The following ATM variants were observed in gnomAD, a reference collection of about 807,000 sequenced individuals.
The protein encoded by ATM is ATM serine/threonine kinase.
A neutral mutation model predicts 387.0 loss-of-function variants in ATM; 308 were observed. The ratio of observed to expected loss-of-function variants is 0.80; its 90% CI spans 0.73 to 0.87. The LOEUF (loss-of-function observed/expected upper bound fraction) is 0.87, where lower values mean the gene tolerates loss of function less well. Ranked by LOEUF, ATM falls within the 40% of genes least tolerant of loss-of-function variation. The probability of loss-of-function intolerance (pLI) is 0.00; values close to 1 mark genes in which losing one functional copy is unlikely to be tolerated. For missense variants in ATM, 3,312 were observed against 3,560.9 expected, an observed-to-expected ratio of 0.93 and a Z score of 1.78; for synonymous variants, 1,156 against 1,187.3, an observed-to-expected ratio of 0.97 and a Z score of 0.54.
rs2091283237 is a variant in ATM, at chr11:108,365,765, G to A, written c.*257G>A. 2 of 490,564 alleles carry A rather than the reference G, an allele frequency of 4.1e-6. No individual in the cohort carries two copies. The highest frequency in any genetic ancestry group is 2.2e-5 in the South Asian group (1 of 45,820). 30.4% of individuals were successfully genotyped at this position (490,564 alleles called of 1,614,324 possible). On this transcript the variant is annotated 3_prime_UTR_variant, in exon 63 of 63. Transcript: ENST00000675843. ...GCAGCGGCTCACGCCTGTAATCCCA[G>A]CACTTTGGGAGGCCGAGGTGAGCGG...
rs767070325 is a variant in ATM, at chr11:108,304,812, G to A, written c.5634G>A (p.Ser1878=). The A allele has an allele frequency of 1.9e-5, 30 of 1,612,528 alleles. No individual in the cohort carries two copies. The Admixed American group carries it at 2.5e-4, about 13-fold the overall frequency. Residue 1878 remains serine, a synonymous_variant, in exon 37 of 63, where the codon TCG becomes TCA. Transcript: ENST00000675843. Reference sequence around the variant, plus strand: ...TCACCAGCTGTCTTCGACACTTCTCGCAAACGAGCCGATCCACAACCCCTG... The same window carrying A: ...TCACCAGCTGTCTTCGACACTTCTCACAAACGAGCCGATCCACAACCCCTG... ...GFFTSCLRHF[S]QTSRSTTPAN...
intron 57 of ATM, among the ~76,000 whole-genome samples, chr11:108,345,415 G>T (rs2088206828): frequency 6.6e-6 from 1 of 152,178 alleles, no homozygotes; most frequent in Non-Finnish European, 1.5e-5. Context: ...CCAATGCTGT[G>T]ATGCCACCTG....
At chr11:108,241,597 G>A (rs1406920200) in intron 5 of ATM, among the ~76,000 whole-genome samples, 1 of 151,908 alleles carries the variant, frequency 6.6e-6, no homozygotes, top group African/African-American at 2.4e-5. Flanking sequence ...ATTTGTCATT[G>A]AATAGAATGT....
chr11:108,279,406 G>A (rs2082106911), intron 22 of ATM, 85 bp from the exon 23 acceptor site: 1 of 957,046 alleles, frequency 1.0e-6, no homozygotes, highest in Non-Finnish European at 1.6e-6. Context: ...ATTTATTTTT[G>A]TTCTGGAATA....
At position 108,333,866 on chromosome 11, in the gene ATM, C is replaced by T. The variant is rs1294380732; in HGVS notation, c.7928-20C>T. 6 of 1,565,482 alleles carry T rather than the reference C, an allele frequency of 3.8e-6. No individual in the cohort carries two copies. Among genetic ancestry groups the T allele is most frequent in the Non-Finnish European group, 4.4e-6 (5 of 1,135,966 alleles). ...CTGTTCCTCAGTTTGTCACTAAAAT[C>T]TCTTCATTTTTAAATACAGAAGGCA... On this transcript the variant is annotated intron_variant, in intron 53 of 62. Coordinates refer to ENST00000675843, the MANE Select transcript of ATM (RefSeq NM_000051.4).
rs988337502 is a variant in ATM at position 108,368,835 on chromosome 11, T to G, written c.*3327T>G. 7 of 202,894 alleles carry G rather than the reference T, an allele frequency of 3.5e-5. No homozygotes were observed. Among genetic ancestry groups the G allele is most frequent in the African/African-American group, 1.6e-4 (7 of 43,700 alleles). 12.6% of individuals were successfully genotyped at this position (202,894 alleles called of 1,614,324 possible). A position where few individuals can be genotyped will look rare whatever the true frequency, so the allele number is the denominator to read the frequency against. ...TAGTATATGCCTAAAATGTATGCAC[T>G]TAGGAATGCTAAAAATTTAAATATG... On this transcript the variant is annotated 3_prime_UTR_variant, in exon 63 of 63. Transcript: ENST00000675843.
At chr11:108,291,334 T>C (rs2135785175) in intron 29 of ATM, among the ~76,000 whole-genome samples, 1 of 152,380 alleles carries the variant, frequency 6.6e-6, no homozygotes, top group South Asian at 2.1e-4. Flanking sequence ...TTCTATTTTT[T>C]AAGGTCTTTT....
Position 108,229,221 on chromosome 11 carries a change from A to G in ATM, c.229A>G (p.Ile77Val), listed in dbSNP as rs1064796032. Reference protein sequence around the residue: ...YIQKETECLRIAKPNVSASTQ... With the variant: ...YIQKETECLRVAKPNVSASTQ... ...TCAGAAAGAAACAGAATGTCTGAGA[A>G]TAGCAAAACCAAATGTATCAGCCTC... The change falls in exon 4 of 63, where the codon ATA becomes GTA. Residue 77 changes from isoleucine to valine, a missense_variant. By Grantham distance (29) the Ile-to-Val change is conservative. Transcript: ENST00000675843. 4 of 1,613,470 alleles carry G rather than the reference A, an allele frequency of 2.5e-6. No homozygotes were observed. The African/African-American group carries it at 4.0e-5, about 16-fold the overall frequency.
At chr11:108,279,390 A>G in intron 22 of ATM, 101 bp from the exon 23 acceptor site, 1 of 842,912 alleles carries the variant, frequency 1.2e-6, no homozygotes, top group Non-Finnish European at 2.0e-6. Flanking sequence ...TATGTCTCAC[A>G]GAGTGATTTA....
intron 61 of ATM, among the ~76,000 whole-genome samples, chr11:108,360,771 AAATT>A (rs1360144939): frequency 9.0e-6 from 1 of 111,144 alleles, no homozygotes; most frequent in Non-Finnish European, 1.8e-5. Flanking sequence ...AACTCTCAAT[AAATT>A]AGGTATTGAT....
At chr11:108,339,865 C>T (rs2087312766) in intron 56 of ATM, among the ~76,000 whole-genome samples, 1 of 152,120 alleles carries the variant, frequency 6.6e-6, no homozygotes, top group Admixed American at 6.5e-5. Flanking sequence ...AACTCAAAGA[C>T]AGCAGGGGAG....
chr11:108,309,490 T>A (rs2083964154), intron 38 of ATM, among the ~76,000 whole-genome samples: 1 of 152,192 alleles, frequency 6.6e-6, no homozygotes, highest in African/African-American at 2.4e-5. Context: ...AGAAGTTAAG[T>A]TGCTGAAGAT....
At position 108,298,044 on chromosome 11, in the gene ATM, T is replaced by G. The variant is rs571807763; in HGVS notation, c.5005+662T>G. On this transcript the variant is annotated intron_variant, in intron 33 of 62. Coordinates refer to ENST00000675843, the MANE Select transcript of ATM (RefSeq NM_000051.4). ...ATGTAGCAGACATAAGAATGAAGAC[T>G]TGGAGGGCTAGATTAAACTTAAATA... Among the ~76,000 whole-genome samples, 80 of 152,302 alleles carry G rather than the reference T, an allele frequency of 5.3e-4. 4 individuals carry two copies. The South Asian group carries it at 0.016, about 31-fold the overall frequency.
At chr11:108,360,116 C>G (rs1417775433) in intron 61 of ATM, among the ~76,000 whole-genome samples, 1 of 151,070 alleles carries the variant, frequency 6.6e-6, no homozygotes, top group Non-Finnish European at 1.5e-5. Flanking sequence ...AAGGGGATAT[C>G]ACCACCGATC....
At chr11:108,248,369 T>C (rs1006046141) in intron 8 of ATM, among the ~76,000 whole-genome samples, 3 of 152,204 alleles carry the variant, frequency 2.0e-5, no homozygotes, top group Non-Finnish European at 4.4e-5. Context: ...TTAGATTTCT[T>C]AGTGCTTTTA....
rs1060501599 is a variant in ATM, at chr11:108,253,854, G to A, written c.1939G>A (p.Glu647Lys). The change falls in exon 13 of 63, where the codon GAA (glutamate) becomes AAA (lysine). Residue 647 changes from glutamate (E) to lysine (K), a missense_variant. Glu to Lys is a moderately conservative substitution (Grantham distance 56). Around this residue, in one of 4 missense-constraint regions of ATM, gnomAD observed 1,791 missense variants for 1,804.5 expected, o/e 0.99. Transcript: ENST00000675843. The stretch of plus-strand genomic sequence containing the variant: ...AGATAAAGAAGAACTTTCATTCTCA[G>A]AAGTAGAAGAACTATTTCTTCAGAC... Reference protein sequence around the residue: ...QKDKEELSFSEVEELFLQTTF... With the variant: ...QKDKEELSFSKVEELFLQTTF... 6.2e-7 allele frequency: 1 copy of A among 1,613,898 alleles called. No homozygotes were observed. Among genetic ancestry groups the A allele is most frequent in the Admixed American group, 1.7e-5 (1 of 60,004 alleles).
At position 108,247,018 on chromosome 11, in the gene ATM, T is replaced by C; in HGVS notation, c.956T>C (p.Leu319Pro). 1 of 1,613,192 alleles carries C rather than the reference T, an allele frequency of 6.2e-7. No individual in the cohort carries two copies. Among genetic ancestry groups the C allele is most frequent in the Non-Finnish European group, 8.5e-7 (1 of 1,179,284 alleles). ...ATTTTATACAACTTATATGATCTGCTAGTGAATGAGATAAGTCATATAGGA... is the reference window on the plus strand; with the variant it reads ...ATTTTATACAACTTATATGATCTGCCAGTGAATGAGATAAGTCATATAGGA... ...RSILYNLYDL[L>P]VNEISHIGSR... The change falls in exon 8 of 63, where the codon CTA becomes CCA. Residue 319 changes from leucine (L) to proline (P), a missense_variant. Physicochemically the swap from Leu to Pro is moderately conservative, Grantham distance 98 (BLOSUM62 -3). Coordinates refer to ENST00000675843, the MANE Select transcript of ATM (RefSeq NM_000051.4).
chr11:108,252,748 G>A (rs962053094), intron 11 of ATM, 69 bp from the exon 12 acceptor site: 3 of 1,083,202 alleles, frequency 2.8e-6, no homozygotes, highest in African/African-American at 1.6e-5. Flanking sequence ...AAACATGGAT[G>A]TTAAAGTTTA....
At chr11:108,328,984 T>G in intron 48 of ATM, 37 bp from the exon 49 acceptor site, 1 of 1,567,808 alleles carries the variant, frequency 6.4e-7, no homozygotes, top group South Asian at 1.1e-5. Flanking sequence ...ATTTAGTATT[T>G]GTAAATATAA....
Sources: allele counts gnomAD v4.1 joint callset (sites outside exome capture counted in the v4.1 genomes callset), GRCh38; gene constraint gnomAD v4.1.1; regional missense constraint gnomAD v4.1.1; transcripts MANE v1.5; gene names NCBI Gene and HGNC (gene_info 2026-07-23, HGNC 2026-07-21).